The following TMEM165 variants were observed in gnomAD, a reference collection of about 807,000 sequenced individuals.
TMEM165 encodes putative divalent cation/proton antiporter TMEM165.
In TMEM165, 19 loss-of-function variants were observed where a neutral mutation model predicts 30.0. The ratio of observed to expected loss-of-function variants is 0.63; its 90% CI spans 0.44 to 0.93. The LOEUF is 0.93. Among genes scored for constraint, TMEM165 ranks in the 40% least tolerant of loss-of-function variants. The pLI is 0.00. For synonymous variants in TMEM165, 168 were observed against 162.9 expected (o/e 1.03, Z -0.24); for missense variants, 340 against 417.0 (o/e 0.82, Z 1.61).
At chr4:55,405,522 T>C (rs1429430021) in intron 1 of TMEM165, among the ~76,000 whole-genome samples, 2 of 152,210 alleles carry the variant, frequency 1.3e-5, no homozygotes, top group African/African-American at 4.8e-5. Flanking sequence ...AAACCCCTTG[T>C]TTTTATTCCC....
chr4:55,434,169 C>G (rs1722711034), intron 3 of TMEM165: 1 of 152,596 alleles, frequency 6.6e-6, no homozygotes, highest in South Asian at 2.1e-4. Context: ...CGGACAATGA[C>G]TTCAAGATGG....
chr4:55,433,019 TAA>T (rs2109606509), intron 3 of TMEM165: 1 of 152,710 alleles, frequency 6.5e-6, no homozygotes, highest in South Asian at 2.1e-4. Context: ...GGCCTCAATA[TAA>T]TAGTTCTTCA....
At chr4:55,435,596 T>TA (rs998409095) in intron 3 of TMEM165, 3 of 1,613,614 alleles carry the variant, frequency 1.9e-6, no homozygotes, top group South Asian at 1.1e-5. Context: ...CCTAGAAGTC[T>TA]AAAAAACAAA....
intron 4 of TMEM165, among the ~76,000 whole-genome samples, chr4:55,421,783 A>G (rs1465578043): frequency 6.6e-6 from 1 of 151,822 alleles, no homozygotes; most frequent in Non-Finnish European, 1.5e-5. Context: ...ATTCCCACCC[A>G]TCACAGTGGC....
intron 3 of TMEM165, chr4:55,442,504 A>G: frequency 6.2e-7 from 1 of 1,608,540 alleles, no homozygotes; most frequent in Non-Finnish European, 8.5e-7. Context: ...ACTAGATGGA[A>G]TCTGGACCAT....
intron 3 of TMEM165, among the ~76,000 whole-genome samples, chr4:55,437,181 A>T (rs1299678290): frequency 6.6e-6 from 1 of 152,236 alleles, no homozygotes; most frequent in East Asian, 1.9e-4. Flanking sequence ...AGTTTTCTAC[A>T]TCACAAAGAC....
Position 55,446,817 on chromosome 4 carries a change from G to A in TMEM165, c.409-5422G>A, listed in dbSNP as rs530178049. Among the ~76,000 whole-genome samples the A allele has an allele frequency of 2.0e-5, 3 of 152,242 alleles. No homozygotes were observed. The East Asian group carries it at 5.8e-4, about 29-fold the overall frequency. Reference sequence around the variant, plus strand: ...GTTTCACTTTATTGGAAGGAAATCTGTCTTAAAGTAGCCTCTTACAGTGAA... The same window carrying A: ...GTTTCACTTTATTGGAAGGAAATCTATCTTAAAGTAGCCTCTTACAGTGAA... On this transcript the variant is annotated intron_variant, in intron 3 of 3. Transcript: ENST00000608091.
intron 3 of TMEM165, among the ~76,000 whole-genome samples, chr4:55,445,582 CTTTTTTT>C (rs56157186): frequency 0.022 from 1,505 of 68,556 alleles, 28 homozygotes; most frequent in Middle Eastern, 0.05. Context: ...TTTCTATATT[CTTTTTTT>C]TTTTTTTTTT....
intron 4 of TMEM165, chr4:55,423,093 C>T (rs1430128213): frequency 6.6e-6 from 1 of 152,222 alleles, no homozygotes; most frequent in Non-Finnish European, 1.5e-5. Flanking sequence ...CATGCATGAA[C>T]CACTGCACCA....
intron 3 of TMEM165, among the ~76,000 whole-genome samples, chr4:55,441,049 C>A (rs1424162820): frequency 2.6e-5 from 4 of 152,178 alleles, no homozygotes; most frequent in African/African-American, 9.6e-5. Context: ...TTCATCACCC[C>A]AAACAATACC....
intron 2 of TMEM165, among the ~76,000 whole-genome samples, chr4:55,413,504 T>G (rs181663765): frequency 5.9e-5 from 9 of 152,272 alleles, no homozygotes; most frequent in Admixed American, 2.0e-4. Flanking sequence ...TTGGTAGAGA[T>G]AGAGTTTTAC....
rs554850699 is a variant in TMEM165, at chr4:55,416,837, T to A, written c.434-235T>A. On this transcript the variant is annotated intron_variant, in intron 2 of 5. Transcript: ENST00000381334. ...TAACATCTCTCAGGAAGATGTGCCA[T>A]CTTCAACTGGACCATTGGCTTCTGA... 2.6e-4 allele frequency: 96 copies of A among 365,264 alleles called. 1 individual carries two copies. The South Asian group carries it at 4.7e-3, about 18-fold the overall frequency. 22.6% of individuals were successfully genotyped at this position (365,264 alleles called of 1,614,324 possible).
chr4:55,402,113 T>A (rs1721020450), intron 1 of TMEM165, among the ~76,000 whole-genome samples: 1 of 50,296 alleles, frequency 2.0e-5, no homozygotes, highest in African/African-American at 1.4e-4. Context: ...AGCAAAACTC[T>A]GTCTCCAAAA....
intron 2 of TMEM165, among the ~76,000 whole-genome samples, chr4:55,416,728 C>G (rs1471228597): frequency 6.6e-6 from 1 of 152,150 alleles, no homozygotes; most frequent in Non-Finnish European, 1.5e-5. Flanking sequence ...GAGCTAACTT[C>G]TACCCCAGGT....
chr4:55,438,152 G>C, intron 3 of TMEM165: 2 of 1,202,132 alleles, frequency 1.7e-6, no homozygotes, highest in South Asian at 2.9e-5. Context: ...TTCTATCTTT[G>C]TAGAGATTTA....
Position 55,396,378 on chromosome 4 carries a change from C to A in TMEM165, c.189C>A (p.Pro63=). 1 of 1,494,730 alleles carries A rather than the reference C, an allele frequency of 6.7e-7. No individual in the cohort carries two copies. Among genetic ancestry groups the A allele is most frequent in the South Asian group, 1.3e-5 (1 of 79,462 alleles). 92.6% of individuals were successfully genotyped at this position (1,494,730 alleles called of 1,614,324 possible). A position where few individuals can be genotyped will look rare whatever the true frequency, so the allele number is the denominator to read the frequency against. The change falls in exon 1 of 6, where the codon CCC becomes CCA. Residue 63 remains proline, a synonymous_variant. Transcript: ENST00000381334. The part of the protein sequence containing the change: ...LQPQPVAVQG[P]EPARVEKIFT... ...CGCAGCCTGTGGCTGTGCAGGGCCCCGAGCCGGCCCGGGTCGAGGTGAGCG... is the reference window on the plus strand; with the variant it reads ...CGCAGCCTGTGGCTGTGCAGGGCCCAGAGCCGGCCCGGGTCGAGGTGAGCG...
chr4:55,417,690 G>GT, intron 3 of TMEM165, 113 bp from the exon 4 acceptor site: 1 of 898,062 alleles, frequency 1.1e-6, no homozygotes. Context: ...CATAAATGTA[G>GT]TTTTTTTGGA....
At chr4:55,419,560 C>A (rs1379752374) in intron 4 of TMEM165, among the ~76,000 whole-genome samples, 1 of 151,996 alleles carries the variant, frequency 6.6e-6, no homozygotes, top group Non-Finnish European at 1.5e-5. Context: ...ATGGGAATAG[C>A]AAGGTTTTAT....
At chr4:55,403,122 C>A in intron 1 of TMEM165, 1 of 587,640 alleles carries the variant, frequency 1.7e-6, no homozygotes, top group Non-Finnish European at 2.7e-6. Context: ...TAGTAGTGCC[C>A]AGGAGACAGT....
Sources: gnomAD v4.1 joint callset for allele counts (sites outside exome capture counted in the v4.1 genomes callset) on GRCh38, gnomAD v4.1.1 for gene constraint, MANE v1.5 for transcripts, NCBI Gene and HGNC (gene_info 2026-07-23, HGNC 2026-07-21) for gene names.